RNF20: variants seen among roughly 807,000 people sequenced by gnomAD.
RNF20 encodes E3 ubiquitin-protein ligase BRE1A.
In RNF20, 84 loss-of-function variants were observed where a neutral mutation model predicts 126.2. The observed-to-expected ratio is 0.67, with a 90% CI of 0.56 to 0.80. RNF20 has a LOEUF of 0.80. Ranked by LOEUF, RNF20 falls within the 30% of genes least tolerant of loss-of-function variation. RNF20 has a pLI of 0.00. For synonymous variants in RNF20, 400 were observed against 414.3 expected (o/e 0.97, Z 0.42); for missense variants, 869 against 1,188.2 (o/e 0.73, Z 3.95).
chr9:101,558,535 T>C (rs1827573680), intron 16 of RNF20, among the ~76,000 whole-genome samples: 1 of 152,158 alleles, frequency 6.6e-6, no homozygotes, highest in Non-Finnish European at 1.5e-5. Flanking sequence ...AGTGTAAAAG[T>C]GTTCCCTTTT....
chr9:101,539,089 G>A (rs750471604), intron 2 of RNF20, among the ~76,000 whole-genome samples: 2 of 152,128 alleles, frequency 1.3e-5, no homozygotes, highest in Non-Finnish European at 2.9e-5. Context: ...TCCATCTGAT[G>A]GCTTCTATTT....
In RNF20 at chr9:101,551,789, G is replaced by A; in HGVS notation, c.1378G>A (p.Glu460Lys). ...KEYEMLRIEF[E>K]QTLAANEQAG... ...GTATGAAATGCTGAGGATAGAATTTGAGCAGACCCTTGCTGCCAATGAACA... is the reference window on the plus strand; with the variant it reads ...GTATGAAATGCTGAGGATAGAATTTAAGCAGACCCTTGCTGCCAATGAACA... The change falls in exon 11 of 20, where the codon GAG (glutamate) becomes AAG (lysine). Residue 460 changes from glutamate (E) to lysine (K), a missense_variant. This residue lies in a region of RNF20 where 9 missense variants were observed against 33.5 expected (regional missense o/e 0.27). Transcript: ENST00000389120. 1 of 1,612,010 alleles carries A rather than the reference G, an allele frequency of 6.2e-7. No homozygotes were observed.
chr9:101,555,247 A>G (rs866712257), intron 15 of RNF20, among the ~76,000 whole-genome samples: 1 of 151,986 alleles, frequency 6.6e-6, no homozygotes, highest in Middle Eastern at 3.4e-3. Flanking sequence ...TTATAAATAT[A>G]TATCATTATA....
chr9:101,556,725 T>C (rs1240815961), intron 15 of RNF20, among the ~76,000 whole-genome samples: 1 of 152,096 alleles, frequency 6.6e-6, no homozygotes, highest in Non-Finnish European at 1.5e-5. Context: ...CAAAAAACAC[T>C]GTTAGCAAAG....
intron 5 of RNF20, among the ~76,000 whole-genome samples, chr9:101,543,022 A>G (rs2118685101): frequency 6.6e-6 from 1 of 152,338 alleles, no homozygotes; most frequent in African/African-American, 2.4e-5. Context: ...GACATCATCA[A>G]TACAGTAGTT....
At chr9:101,538,078 G>C (rs959814643) in intron 2 of RNF20, among the ~76,000 whole-genome samples, 1 of 152,138 alleles carries the variant, frequency 6.6e-6, no homozygotes, top group Non-Finnish European at 1.5e-5. Flanking sequence ...ATCCTGGAGA[G>C]GTTAAAGAAT....
chr9:101,559,782 C>T (rs1223343335), intron 16 of RNF20, among the ~76,000 whole-genome samples: 3 of 152,080 alleles, frequency 2.0e-5, no homozygotes, highest in Non-Finnish European at 4.4e-5. Context: ...ATTCATTTAC[C>T]AGTTCTAGCA....
chr9:101,543,996 G>C (rs1328180950), intron 5 of RNF20, among the ~76,000 whole-genome samples: 2 of 152,190 alleles, frequency 1.3e-5, no homozygotes, highest in African/African-American at 4.8e-5. Flanking sequence ...TTGATACTAA[G>C]AGTAATGCCA....
At chr9:101,555,472 T>C (rs1827518276) in intron 15 of RNF20, among the ~76,000 whole-genome samples, 1 of 152,104 alleles carries the variant, frequency 6.6e-6, no homozygotes, top group Admixed American at 6.5e-5. Flanking sequence ...TTTATTAAAA[T>C]TCAATAATAA....
In RNF20 at chr9:101,552,890, C is replaced by T. The variant is rs1827472864; in HGVS notation, c.1901+137C>T. ...TTGTACAATTAATTTGGTTTCAAGTCGTGTTCAAGTGCACAGCCAAAATGG... is the reference window on the plus strand; with the variant it reads ...TTGTACAATTAATTTGGTTTCAAGTTGTGTTCAAGTGCACAGCCAAAATGG... On this transcript the variant is annotated intron_variant, in intron 13 of 19. Coordinates refer to ENST00000389120, the MANE Select transcript of RNF20 (RefSeq NM_019592.7). 18 of 937,482 alleles carry T rather than the reference C, an allele frequency of 1.9e-5. 1 individual carries two copies. In the South Asian group the frequency reaches 3.0e-4, roughly 16 times the overall value. 58.1% of individuals were successfully genotyped at this position (937,482 alleles called of 1,614,324 possible).
intron 13 of RNF20, among the ~76,000 whole-genome samples, chr9:101,553,424 A>G (rs2118721177): frequency 6.6e-6 from 1 of 152,342 alleles, no homozygotes; most frequent in East Asian, 1.9e-4. Flanking sequence ...CTCTTTTGGT[A>G]TATAAAAGTA....
chr9:101,540,552 A>C lies in RNF20; in HGVS notation c.360A>C (p.Leu120=), dbSNP rs61760888. The change falls in exon 4 of 20, where the codon CTA becomes CTC. Residue 120 remains leucine, a synonymous_variant. Coordinates refer to ENST00000389120, the MANE Select transcript of RNF20 (RefSeq NM_019592.7). ...RYDLEQGLGD[L]LTERKALVVP... The stretch of plus-strand genomic sequence containing the variant: ...ATCTGGAGCAGGGCTTGGGAGACCT[A>C]CTCACAGAACGAAAAGCCCTTGTTG... 5.0e-4 allele frequency: 809 copies of C among 1,613,802 alleles called. 1 individual carries two copies. The highest frequency in any genetic ancestry group is 6.2e-4 in the Non-Finnish European group (737 of 1,179,878).
chr9:101,540,177 A>G (rs1391847785), intron 2 of RNF20, 26 bp from the exon 3 acceptor site: 4 of 1,608,132 alleles, frequency 2.5e-6, no homozygotes, highest in Non-Finnish European at 3.4e-6. Flanking sequence ...CTTTGTGGAG[A>G]CTAATACGAT....
chr9:101,552,910 A>G (rs911465441), intron 13 of RNF20, among the ~76,000 whole-genome samples, 157 bp downstream of exon 13: 2 of 152,216 alleles, frequency 1.3e-5, no homozygotes, highest in East Asian at 3.8e-4. Context: ...TGCACAGCCA[A>G]AATGGCTTGC....
chr9:101,552,060 C>T, intron 11 of RNF20, 81 bp from the exon 12 acceptor site: 1 of 1,562,878 alleles, frequency 6.4e-7, no homozygotes, highest in Admixed American at 1.7e-5. Context: ...CTCAGTGCCT[C>T]CTGATGTGTT....
intron 5 of RNF20, among the ~76,000 whole-genome samples, chr9:101,542,500 C>T (rs991155179): frequency 1.3e-5 from 2 of 152,214 alleles, no homozygotes; most frequent in African/African-American, 4.8e-5. Flanking sequence ...TAGTTTCTAG[C>T]ACTGCATCTG....
At chr9:101,539,084 C>T (rs1042858463) in intron 2 of RNF20, among the ~76,000 whole-genome samples, 5 of 152,142 alleles carry the variant, frequency 3.3e-5, no homozygotes, top group Non-Finnish European at 7.3e-5. Context: ...TGTTTTCCAT[C>T]TGATGGCTTC....
At chr9:101,549,101 G>C (rs1294940419) in intron 9 of RNF20, among the ~76,000 whole-genome samples, 1 of 152,214 alleles carries the variant, frequency 6.6e-6, no homozygotes, top group Non-Finnish European at 1.5e-5. Flanking sequence ...TAGAAATAAA[G>C]ACACAAGACA....
At chr9:101,560,745 T>A (rs1827613225) in intron 16 of RNF20, 56 bp from the exon 17 acceptor site, 5 of 1,523,934 alleles carry the variant, frequency 3.3e-6, no homozygotes, top group Middle Eastern at 1.8e-4. Flanking sequence ...ACAGAATAGT[T>A]TTTTTTCTTT....
Sources: allele counts gnomAD v4.1 joint callset (sites outside exome capture counted in the v4.1 genomes callset), GRCh38; gene constraint gnomAD v4.1.1; regional missense constraint gnomAD v4.1.1; transcripts MANE v1.5; gene names NCBI Gene and HGNC (gene_info 2026-07-23, HGNC 2026-07-21).